The following ADCYAP1R1 variants were observed in gnomAD, a reference collection of about 807,000 sequenced individuals.
The protein encoded by ADCYAP1R1 is pituitary adenylate cyclase-activating polypeptide type I receptor.
In ADCYAP1R1, 44 loss-of-function variants were observed where a neutral mutation model predicts 67.6. That is an observed-to-expected ratio of 0.65 (90% CI 0.51 to 0.84). ADCYAP1R1 has a LOEUF of 0.84. ADCYAP1R1 is among the 40% of genes least tolerant of loss of function. The probability of loss-of-function intolerance (pLI) is 0.00; values close to 1 mark genes in which losing one functional copy is unlikely to be tolerated. For missense variants in ADCYAP1R1, 477 were observed against 587.9 expected, an observed-to-expected ratio of 0.81 and a Z score of 1.95; for synonymous variants, 222 against 219.6, an observed-to-expected ratio of 1.01 and a Z score of -0.10.
At chr7:31,075,551 C>G (rs997866921) in intron 3 of ADCYAP1R1, among the ~76,000 whole-genome samples, 1 of 152,162 alleles carries the variant, frequency 6.6e-6, no homozygotes, top group South Asian at 2.1e-4. Flanking sequence ...ATGGGTTCTC[C>G]AGGGTTCCTT....
At chr7:31,105,021 C>G (rs968846751) in intron 15 of ADCYAP1R1, 112 bp downstream of exon 15, 27 of 1,133,630 alleles carry the variant, frequency 2.4e-5, no homozygotes, top group Non-Finnish European at 3.5e-5. Context: ...AGGGCTCTGC[C>G]AGGCTCCCAG....
chr7:31,062,329 C>T (rs1000781567), intron 1 of ADCYAP1R1, among the ~76,000 whole-genome samples: 2 of 152,196 alleles, frequency 1.3e-5, no homozygotes, highest in African/African-American at 4.8e-5. Flanking sequence ...CTTGGAGCTC[C>T]TGCAGCTCTG....
At chr7:31,066,350 A>C (rs1233207142) in intron 3 of ADCYAP1R1, among the ~76,000 whole-genome samples, 1 of 152,150 alleles carries the variant, frequency 6.6e-6, no homozygotes, top group East Asian at 1.9e-4. Flanking sequence ...GGGGTGGGAC[A>C]GGGACCTCGG....
At chr7:31,066,340 G>T (rs938043366) in intron 3 of ADCYAP1R1, among the ~76,000 whole-genome samples, 4 of 152,186 alleles carry the variant, frequency 2.6e-5, no homozygotes, top group East Asian at 3.9e-4. Context: ...GGTAGGGGCT[G>T]GGGTGGGACA....
intron 1 of ADCYAP1R1, among the ~76,000 whole-genome samples, chr7:31,056,365 A>C (rs553179631): frequency 6.6e-6 from 1 of 152,202 alleles, no homozygotes; most frequent in East Asian, 1.9e-4. Context: ...ATCGATGGGC[A>C]CTGCAGAGGG....
Position 31,084,215 on chromosome 7 carries a change from G to T in ADCYAP1R1, c.403G>T (p.Gly135Trp). 2 of 1,614,152 alleles carry T rather than the reference G, an allele frequency of 1.2e-6. No individual in the cohort carries two copies. The highest frequency in any genetic ancestry group is 1.7e-6 in the Non-Finnish European group (2 of 1,180,032). Residue 135 changes from glycine (G) to tryptophan (W), a missense_variant, in exon 7 of 16, where the codon GGG becomes TGG. Gly to Trp is a radical substitution (Grantham distance 184, BLOSUM62 -2). Coordinates refer to ENST00000304166, the MANE Select transcript of ADCYAP1R1 (RefSeq NM_001118.5). ...CTTCCCTCATTACTTTGATGCCTGT[G>T]GGTTTGATGAATATGAATCTGAGAC... ...EPFPHYFDAC[G>W]FDEYESETGD... is the part of the protein sequence containing the mutation.
At chr7:31,092,024 G>T (rs982382233) in intron 12 of ADCYAP1R1, among the ~76,000 whole-genome samples, 7 of 148,764 alleles carry the variant, frequency 4.7e-5, no homozygotes, top group African/African-American at 1.7e-4. Flanking sequence ...TTTCTCCAAG[G>T]GCTGCTTTGG....
At chr7:31,076,867 G>C (rs995311076) in intron 3 of ADCYAP1R1, among the ~76,000 whole-genome samples, 7 of 152,136 alleles carry the variant, frequency 4.6e-5, no homozygotes, top group African/African-American at 1.4e-4. Flanking sequence ...GGCTGAGGAG[G>C]GGCTAGGGTG....
chr7:31,089,439 T>C (rs1272155692), intron 12 of ADCYAP1R1, among the ~76,000 whole-genome samples: 1 of 151,874 alleles, frequency 6.6e-6, no homozygotes, highest in Non-Finnish European at 1.5e-5. Context: ...TTTTTTTTTT[T>C]TTAATCAGGA....
Position 31,103,295 on chromosome 7 carries a change from T to A in ADCYAP1R1, c.1105T>A (p.Phe369Ile). Residue 369 changes from phenylalanine (F) to isoleucine (I), a missense_variant, in exon 14 of 16, where the codon TTT (phenylalanine) becomes ATT (isoleucine). Phe to Ile is a conservative substitution (Grantham distance 21). Transcript: ENST00000304166. The part of the protein sequence containing the change: ...IPLFGIHYTV[F>I]AFSPENVSKR... ...ACTATTCGGAATCCACTACACAGTATTTGCCTTCTCCCCAGAGAATGTCAG... is the reference window on the plus strand; with the variant it reads ...ACTATTCGGAATCCACTACACAGTAATTGCCTTCTCCCCAGAGAATGTCAG... The A allele has an allele frequency of 6.2e-7, 1 of 1,614,168 alleles. No homozygotes were observed. Among genetic ancestry groups the A allele is most frequent in the Non-Finnish European group, 8.5e-7 (1 of 1,180,016 alleles).
At chr7:31,088,526 A>G (rs758422630) in intron 12 of ADCYAP1R1, among the ~76,000 whole-genome samples, 87 of 152,216 alleles carry the variant, frequency 5.7e-4, no homozygotes, top group Non-Finnish European at 1.1e-3. Context: ...TGCATCTTCA[A>G]TCCAGCTGAA....
At chr7:31,082,785 A>G (rs987034247) in intron 6 of ADCYAP1R1, among the ~76,000 whole-genome samples, 4 of 152,218 alleles carry the variant, frequency 2.6e-5, no homozygotes, top group Admixed American at 2.0e-4. Flanking sequence ...GTGCCGTAGA[A>G]CTCAGAGCTG....
chr7:31,098,195 C>T (rs1404301107), intron 13 of ADCYAP1R1, among the ~76,000 whole-genome samples: 2 of 152,146 alleles, frequency 1.3e-5, no homozygotes, highest in Non-Finnish European at 2.9e-5. Context: ...TGCGCCCAGC[C>T]TGAGACTAAC....
chr7:31,058,593 T>G (rs1794359992), intron 1 of ADCYAP1R1, among the ~76,000 whole-genome samples: 1 of 152,186 alleles, frequency 6.6e-6, no homozygotes, highest in Admixed American at 6.5e-5. Flanking sequence ...AGTTTCCCTA[T>G]CTGCACCTTG....
At position 31,086,834 on chromosome 7, in the gene ADCYAP1R1, T is replaced by C; in HGVS notation, c.824-109T>C. On this transcript the variant is annotated intron_variant, in intron 10 of 15. Transcript: ENST00000304166. The surrounding 1 kb of genome is among the most constrained non-coding windows in gnomAD (Gnocchi z 5.0). ...GAGGGACAGTTAGAATTCCCAGGAA[T>C]TCCAAGTCTCATGGGGGAGCAATAG... 3.3e-6 allele frequency: 4 copies of C among 1,215,242 alleles called. No individual in the cohort carries two copies. The highest frequency in any genetic ancestry group is 1.3e-5 in the South Asian group (1 of 79,606). 75.3% of individuals were successfully genotyped at this position (1,215,242 alleles called of 1,614,324 possible).
At chr7:31,064,965 G>A (rs762787445) in intron 3 of ADCYAP1R1, 29 bp downstream of exon 3, 11 of 1,527,058 alleles carry the variant, frequency 7.2e-6, no homozygotes, top group Middle Eastern at 1.8e-4. Context: ...AGCATGCCAC[G>A]TCCCCAGTGC....
At chr7:31,060,501 G>GGT (rs61249603) in intron 1 of ADCYAP1R1, among the ~76,000 whole-genome samples, 294 of 149,128 alleles carry the variant, frequency 2.0e-3, no homozygotes, top group Middle Eastern at 6.8e-3. Context: ...GTGTGTGTGT[G>GGT]GTGTGTGTGT....
chr7:31,062,163 C>A (rs955308347), intron 1 of ADCYAP1R1, among the ~76,000 whole-genome samples: 11 of 152,118 alleles, frequency 7.2e-5, no homozygotes, highest in Admixed American at 7.2e-4. Context: ...TGCAGAATTG[C>A]TGTGTTGTAG....
rs747921046 is a variant in ADCYAP1R1, at chr7:31,095,682, G to C, written c.1046+2947G>C. ...TTATTTCCAGAACAAATTTAAGCCC[G>C]CGAGTCCCCAAGAAAGCCCGAGAGG... On this transcript the variant is annotated intron_variant, in intron 13 of 15. Transcript: ENST00000304166. The C allele has an allele frequency of 1.7e-5, 12 of 717,828 alleles. No homozygotes were observed. The Admixed American group carries it at 2.4e-4, about 14-fold the overall frequency. 44.5% of individuals were successfully genotyped at this position (717,828 alleles called of 1,614,324 possible). A position where few individuals can be genotyped will look rare whatever the true frequency, so the allele number is the denominator to read the frequency against.
Sources: allele counts gnomAD v4.1 joint callset (sites outside exome capture counted in the v4.1 genomes callset), GRCh38; gene constraint gnomAD v4.1.1; non-coding constraint Gnocchi (gnomAD v3.1); transcripts MANE v1.5; gene names NCBI Gene and HGNC (gene_info 2026-07-23, HGNC 2026-07-21).